Variants in PFDN2 observed in about 807,000 individuals in gnomAD.
PFDN2 encodes prefoldin 2.
A neutral mutation model predicts 18.3 loss-of-function variants in PFDN2; 7 were observed. That is an observed-to-expected ratio of 0.38 (90% CI 0.22 to 0.72). The LOEUF is 0.72. PFDN2 is among the 30% of genes least tolerant of loss of function. The pLI, the probability that PFDN2 is intolerant of heterozygous loss-of-function variation, is 0.47. For synonymous variants in PFDN2, 76 were observed against 75.0 expected (o/e 1.01, Z -0.07); for missense variants, 181 against 199.1 (o/e 0.91, Z 0.55).
In PFDN2 at chr1:161,105,725, C is replaced by T. The variant is rs150199982; in HGVS notation, c.76-3350G>A. Among the ~76,000 whole-genome samples the T allele has an allele frequency of 1.3e-4, 20 of 152,296 alleles. No homozygotes were observed. The East Asian group carries it at 3.7e-3, about 28-fold the overall frequency. ...CCACCCACCTCAGACTCCCAAAGTG[C>T]TGGGATTACAGGCGTGAGCCACTGC... On this transcript the variant is annotated intron_variant, in intron 1 of 3. Coordinates refer to ENST00000368010, the MANE Select transcript of PFDN2 (RefSeq NM_012394.4).
chr1:161,112,221 G>C (rs767316804), intron 1 of PFDN2, among the ~76,000 whole-genome samples: 1 of 152,104 alleles, frequency 6.6e-6, no homozygotes, highest in Non-Finnish European at 1.5e-5. Flanking sequence ...TAAGGATTAA[G>C]TAATTACATC....
chr1:161,102,035 G>T lies in PFDN2; in HGVS notation c.288+13C>A. The T allele has an allele frequency of 6.2e-7, 1 of 1,614,022 alleles. No individual in the cohort carries two copies. Among genetic ancestry groups the T allele is most frequent in the Non-Finnish European group, 8.5e-7 (1 of 1,179,970 alleles). On this transcript the variant is annotated intron_variant, in intron 3 of 3. Coordinates refer to ENST00000368010, the MANE Select transcript of PFDN2 (RefSeq NM_012394.4). ...GCCACTGTACCCGATCCTATTCAAT[G>T]ATTCTTGCTCACCTGCTCCTTGTTG...
At chr1:161,108,704 G>A (rs913569866) in intron 1 of PFDN2, among the ~76,000 whole-genome samples, 1 of 152,112 alleles carries the variant, frequency 6.6e-6, no homozygotes, top group African/African-American at 2.4e-5. Context: ...AGCTTCCACT[G>A]CATGTCGCTA....
At chr1:161,114,723 T>C (rs2101707764) in intron 1 of PFDN2, among the ~76,000 whole-genome samples, 1 of 152,268 alleles carries the variant, frequency 6.6e-6, no homozygotes, top group East Asian at 1.9e-4. Flanking sequence ...AGGTCATATA[T>C]AAATAGTAAA....
At chr1:161,115,343 C>A (rs1184381658) in intron 1 of PFDN2, among the ~76,000 whole-genome samples, 1 of 152,216 alleles carries the variant, frequency 6.6e-6, no homozygotes, top group Non-Finnish European at 1.5e-5. Flanking sequence ...GGATTACAGG[C>A]GTGAGCCACG....
intron 3 of PFDN2, 111 bp from the exon 4 acceptor site, chr1:161,100,970 A>G: frequency 4.2e-6 from 3 of 708,900 alleles, no homozygotes; most frequent in Non-Finnish European, 2.4e-6. Context: ...CCTTTAACCA[A>G]GTAGAGGAGC....
Position 161,117,994 on chromosome 1 carries a change from G to A in PFDN2, c.33C>T (p.Ser11=), listed in dbSNP as rs770084985. 4.3e-5 allele frequency: 70 copies of A among 1,612,460 alleles called. No homozygotes were observed. Among genetic ancestry groups the A allele is most frequent in the South Asian group, 7.7e-5 (7 of 90,986 alleles). The change falls in exon 1 of 4, where the codon AGC becomes AGT. Residue 11 remains serine, a synonymous_variant. Coordinates refer to ENST00000368010, the MANE Select transcript of PFDN2 (RefSeq NM_012394.4). Reference sequence around the variant, plus strand: ...CCCCCTTCCCCGCGCCGCTCCCGCTGCTCTTGCCGGCGCGACCGCTGTTCT... The same window carrying A: ...CCCCCTTCCCCGCGCCGCTCCCGCTACTCTTGCCGGCGCGACCGCTGTTCT... MAENSGRAGK[S]SGSGAGKGAV... is the part of the protein sequence containing the mutation.
At chr1:161,103,956 A>G (rs1009941856) in intron 1 of PFDN2, among the ~76,000 whole-genome samples, 1 of 152,138 alleles carries the variant, frequency 6.6e-6, no homozygotes, top group Non-Finnish European at 1.5e-5. Context: ...AACCATGGCT[A>G]TATGTTAGAA....
intron 1 of PFDN2, among the ~76,000 whole-genome samples, chr1:161,114,475 GA>G (rs1654866985): frequency 2.0e-5 from 3 of 152,128 alleles, no homozygotes; most frequent in Admixed American, 2.0e-4. Context: ...CCTCTACCTA[GA>G]AAATCTTCCA....
Position 161,103,641 on chromosome 1 carries a change from C to T in PFDN2, c.76-1266G>A, listed in dbSNP as rs557951164. On this transcript the variant is annotated intron_variant, in intron 1 of 3. Transcript: ENST00000368010. ...CGGAGGTTGCAGTGAGCTGAGATCA[C>T]GCTACCACACTACAGCCTGGCAACA... Among the ~76,000 whole-genome samples the T allele has an allele frequency of 7.2e-4, 96 of 132,712 alleles. 1 individual carries two copies. Among genetic ancestry groups the T allele is most frequent in the African/African-American group, 2.6e-3 (89 of 34,306 alleles). 87.1% of individuals were successfully genotyped at this position (132,712 alleles called of 152,430 possible).
intron 3 of PFDN2, among the ~76,000 whole-genome samples, chr1:161,101,259 G>A (rs1475089120): frequency 6.7e-6 from 1 of 150,280 alleles, no homozygotes; most frequent in African/African-American, 2.5e-5. Context: ...GAGTGCAGTG[G>A]TGCAATCTCA....
intron 1 of PFDN2, among the ~76,000 whole-genome samples, chr1:161,112,753 G>C (rs1200578920): frequency 2.6e-5 from 4 of 151,928 alleles, no homozygotes; most frequent in Admixed American, 1.3e-4. Context: ...CCTATTTTTA[G>C]ACTCCCCAAA....
intron 1 of PFDN2, among the ~76,000 whole-genome samples, chr1:161,107,866 C>T (rs1307101521): frequency 6.6e-6 from 1 of 151,472 alleles, no homozygotes; most frequent in Non-Finnish European, 1.5e-5. Flanking sequence ...GTAATCCCAG[C>T]ACTTTGGGAG....
At chr1:161,111,783 T>C (rs1329774541) in intron 1 of PFDN2, among the ~76,000 whole-genome samples, 1 of 152,242 alleles carries the variant, frequency 6.6e-6, no homozygotes, top group Non-Finnish European at 1.5e-5. Flanking sequence ...TAAGATTCTA[T>C]TCATAGCACT....
chr1:161,117,984 C>A lies in PFDN2; in HGVS notation c.43G>T (p.Gly15Cys). The A allele has an allele frequency of 6.2e-7, 1 of 1,612,882 alleles. No homozygotes were observed. Among genetic ancestry groups the A allele is most frequent in the African/African-American group, 1.3e-5 (1 of 75,024 alleles). The stretch of plus-strand genomic sequence containing the variant: ...GCGGACACCGCCCCCTTCCCCGCGC[C>A]GCTCCCGCTGCTCTTGCCGGCGCGA... ...SGRAGKSSGS[G>C]AGKGAVSAEQ... Residue 15 changes from glycine to cysteine, a missense_variant, in exon 1 of 4, where the codon GGC (glycine) becomes TGC (cysteine). By Grantham distance (159) the Gly-to-Cys change is radical. Transcript: ENST00000368010.
rs757849197 is a variant in PFDN2 at position 161,102,275 on chromosome 1, T to C, written c.164+12A>G. The C allele has an allele frequency of 6.2e-7, 1 of 1,613,546 alleles. No homozygotes were observed. Among genetic ancestry groups the C allele is most frequent in the African/African-American group, 1.3e-5 (1 of 74,946 alleles). ...AACTGTCCTACTGTTTGCCTCTCCC[T>C]GACTTTCTCACCTGTGCTCATTCAA... is the stretch of plus-strand genomic sequence containing the variant. On this transcript the variant is annotated intron_variant, in intron 2 of 3. Transcript: ENST00000368010.
intron 1 of PFDN2, among the ~76,000 whole-genome samples, chr1:161,107,536 C>T (rs1398223788): frequency 1.3e-5 from 2 of 152,046 alleles, no homozygotes; most frequent in African/African-American, 2.4e-5. Flanking sequence ...TTGGACAGGC[C>T]TGGCATGGTG....
intron 1 of PFDN2, among the ~76,000 whole-genome samples, chr1:161,105,233 C>T (rs1410466844): frequency 1.3e-5 from 2 of 152,310 alleles, no homozygotes; most frequent in South Asian, 2.1e-4. Context: ...GCCTCAGCCT[C>T]CCAAGTAGCT....
chr1:161,109,834 G>A (rs1214505724), intron 1 of PFDN2, among the ~76,000 whole-genome samples: 1 of 152,060 alleles, frequency 6.6e-6, no homozygotes, highest in Non-Finnish European at 1.5e-5. Flanking sequence ...CAGATCACTT[G>A]AGGCCAGGAG....
Sources: allele counts gnomAD v4.1 joint callset (sites outside exome capture counted in the v4.1 genomes callset), GRCh38; gene constraint gnomAD v4.1.1; transcripts MANE v1.5; gene names NCBI Gene and HGNC (gene_info 2026-07-23, HGNC 2026-07-21).